The following ELMO3 variants were observed in gnomAD, a reference collection of about 807,000 sequenced individuals.
ELMO3 encodes engulfment and cell motility protein 3.
ELMO3 carries 81 observed loss-of-function variants against 89.0 expected under a neutral mutation model. The ratio of observed to expected loss-of-function variants is 0.91; its 90% CI spans 0.76 to 1.09. The LOEUF (loss-of-function observed/expected upper bound fraction) is 1.09. Among genes scored for constraint, ELMO3 ranks in the 50% least tolerant of loss-of-function variants. The probability of loss-of-function intolerance (pLI) is 0.00; values close to 1 mark genes in which losing one functional copy is unlikely to be tolerated. For synonymous variants in ELMO3, 406 were observed against 400.6 expected, an observed-to-expected ratio of 1.01 and a Z score of -0.16; for missense variants, 959 against 972.8, an observed-to-expected ratio of 0.99 and a Z score of 0.19.
chr16:67,200,575 G>C (rs753564029), intron 6 of ELMO3, 25 bp downstream of exon 6: 8 of 1,613,380 alleles, frequency 5.0e-6, no homozygotes, highest in Non-Finnish European at 6.8e-6. Context: ...CTAGGGCAGC[G>C]GGTGGGGGCA....
intron 4 of ELMO3, 50 bp downstream of exon 4, chr16:67,200,051 G>A (rs1163909709): frequency 2.5e-6 from 4 of 1,602,716 alleles, no homozygotes; most frequent in South Asian, 1.1e-5. Flanking sequence ...TTTGCTCCAG[G>A]TCCAGAGGCC....
In ELMO3 at chr16:67,200,893, G is replaced by A. The variant is rs1364202992; in HGVS notation, c.669G>A (p.Met223Ile). The A allele has an allele frequency of 1.2e-6, 2 of 1,613,606 alleles. No individual in the cohort carries two copies. The highest frequency in any genetic ancestry group is 1.3e-5 in the African/African-American group (1 of 74,928). Reference protein sequence around the residue: ...LDRLLVHLQVMNQQLQTKAMA... With the variant: ...LDRLLVHLQVINQQLQTKAMA... Reference sequence around the variant, plus strand: ...CTGAGCCCTCTTCTTGCCATAGGATGAACCAGCAGCTGCAAACCAAGGCCA... The same window carrying A: ...CTGAGCCCTCTTCTTGCCATAGGATAAACCAGCAGCTGCAAACCAAGGCCA... Residue 223 changes from methionine to isoleucine, a missense_variant, in exon 8 of 20, where the codon ATG becomes ATA. Met to Ile is a conservative substitution (Grantham distance 10). Coordinates refer to ENST00000393997, the MANE Select transcript of ELMO3 (RefSeq NM_024712.5).
rs1476876754 is a variant in ELMO3 at position 67,203,480 on chromosome 16, C to T, written c.1864-17C>T. On this transcript the variant is annotated splice_polypyrimidine_tract_variant and intron_variant, in intron 18 of 19. Coordinates refer to ENST00000393997, the MANE Select transcript of ELMO3 (RefSeq NM_024712.5). This position sits in a 1 kb window ranked among gnomAD's most constrained non-coding sequence, Gnocchi z 4.6. ...CCCTGTCCCCTGCTCAGTGTCCCCG[C>T]TCCCTTGCTTCCCCAGGACCTCTAT... is the stretch of plus-strand genomic sequence containing the variant. 1 of 1,613,760 alleles carries T rather than the reference C, an allele frequency of 6.2e-7. No homozygotes were observed. Among genetic ancestry groups the T allele is most frequent in the South Asian group, 1.1e-5 (1 of 91,076 alleles).
In ELMO3 at chr16:67,203,834, C is replaced by T. The variant is rs1164217675; in HGVS notation, c.2120C>T (p.Thr707Ile). 2 of 1,602,998 alleles carry T rather than the reference C, an allele frequency of 1.2e-6. No individual in the cohort carries two copies. The highest frequency in any genetic ancestry group is 1.7e-6 in the Non-Finnish European group (2 of 1,174,382). ...ERPPPVPPPP[T>I]NFNFCYDCSI... ...CCACCCCCTGTGCCCCCACCCCCCA[C>T]CAACTTCAACTTCTGCTATGACTGC... is the stretch of plus-strand genomic sequence containing the variant. The change falls in exon 20 of 20, where the codon ACC becomes ATC. Residue 707 changes from threonine (T) to isoleucine (I), a missense_variant. Physicochemically the swap from Thr to Ile is moderately conservative, Grantham distance 89. Coordinates refer to ENST00000393997, the MANE Select transcript of ELMO3 (RefSeq NM_024712.5). This position sits in a 1 kb window ranked among gnomAD's most constrained non-coding sequence, Gnocchi z 4.6.
At position 67,203,316 on chromosome 16, in the gene ELMO3, T is replaced by C; in HGVS notation, c.1781-11T>C. The C allele has an allele frequency of 6.3e-7, 1 of 1,594,780 alleles. No homozygotes were observed. The highest frequency in any genetic ancestry group is 8.5e-7 in the Non-Finnish European group (1 of 1,173,610). On this transcript the variant is annotated splice_polypyrimidine_tract_variant and intron_variant, in intron 17 of 19. Transcript: ENST00000393997. The surrounding 1 kb of genome is among the most constrained non-coding windows in gnomAD (Gnocchi z 4.6). ...AGGGCTGCAGTGCTCAGCCCAGCCT[T>C]CTTCCTGCAGTCCCTGTGGCCGACA... is the stretch of plus-strand genomic sequence containing the variant.
At position 67,202,540 on chromosome 16, in the gene ELMO3, G is replaced by A; in HGVS notation, c.1398+7G>A. On this transcript the variant is annotated splice_region_variant and intron_variant, in intron 14 of 19. Coordinates refer to ENST00000393997, the MANE Select transcript of ELMO3 (RefSeq NM_024712.5). Reference sequence around the variant, plus strand: ...ACAGGAGGACTTCGACAAGGTGGGTGGGGTGGGAGCTGGGAGGCCTGGGCC... The same window carrying A: ...ACAGGAGGACTTCGACAAGGTGGGTAGGGTGGGAGCTGGGAGGCCTGGGCC... The A allele has an allele frequency of 6.2e-7, 1 of 1,612,582 alleles. No individual in the cohort carries two copies. The highest frequency in any genetic ancestry group is 8.5e-7 in the Non-Finnish European group (1 of 1,179,930).
rs1262479141 is a variant in ELMO3, at chr16:67,201,513, C to A, written c.796-7C>A. On this transcript the variant is annotated splice_region_variant and splice_polypyrimidine_tract_variant and intron_variant, in intron 9 of 19. Coordinates refer to ENST00000393997, the MANE Select transcript of ELMO3 (RefSeq NM_024712.5). ...CTCGCTTACACCAGGGACTGGCTGT[C>A]CTGCAGAACATCATCCACAGTGCAG... 1 of 1,614,040 alleles carries A rather than the reference C, an allele frequency of 6.2e-7. No individual in the cohort carries two copies. The highest frequency in any genetic ancestry group is 1.7e-5 in the Admixed American group (1 of 60,012).
chr16:67,202,809 A>G lies in ELMO3; in HGVS notation c.1562+19A>G. ...CTATACTGTGAGTCTGGGGGGATGG[A>G]TCCTCAGTCCTAGCCCTACCTTCCT... On this transcript the variant is annotated intron_variant, in intron 15 of 19. Transcript: ENST00000393997. 1 of 1,612,528 alleles carries G rather than the reference A, an allele frequency of 6.2e-7. No homozygotes were observed. Among genetic ancestry groups the G allele is most frequent in the South Asian group, 1.1e-5 (1 of 91,040 alleles).
rs1401918936 is a variant in ELMO3 at position 67,199,219 on chromosome 16, C to T, written c.-108C>T. On this transcript the variant is annotated 5_prime_UTR_variant, in exon 1 of 20. Coordinates refer to ENST00000393997, the MANE Select transcript of ELMO3 (RefSeq NM_024712.5). The stretch of plus-strand genomic sequence containing the variant: ...CGAGTGCGGGACACCGAGGTCAGGT[C>T]TCGGAAAGGGAGGACCTCCTCGTCC... 6.2e-7 allele frequency: 1 copy of T among 1,611,432 alleles called. No individual in the cohort carries two copies. The highest frequency in any genetic ancestry group is 1.7e-5 in the Admixed American group (1 of 59,866).
intron 1 of ELMO3, 72 bp downstream of exon 1, chr16:67,199,476 G>GGGCGCCCCCCCCCCCCCCCCCC: frequency 6.7e-7 from 1 of 1,503,606 alleles, no homozygotes; most frequent in Non-Finnish European, 9.0e-7. Context: ...CCTCGGGGCA[G>GGGCGCCCCCCCCCCCCCCCCCC]CCCGCCCCAC....
At position 67,203,105 on chromosome 16, in the gene ELMO3, C is replaced by G. The variant is rs1181012530; in HGVS notation, c.1676-14C>G. ...CCTCTCAGCACTCTGGCCCTCTTCC[C>G]TTTCTCCACGCAGATAAGCTGTGGT... On this transcript the variant is annotated splice_polypyrimidine_tract_variant and intron_variant, in intron 16 of 19. Coordinates refer to ENST00000393997, the MANE Select transcript of ELMO3 (RefSeq NM_024712.5). This position sits in a 1 kb window ranked among gnomAD's most constrained non-coding sequence, Gnocchi z 4.6. 6.2e-7 allele frequency: 1 copy of G among 1,601,768 alleles called. No homozygotes were observed. Among genetic ancestry groups the G allele is most frequent in the Non-Finnish European group, 8.5e-7 (1 of 1,174,914 alleles).
At position 67,200,809 on chromosome 16, in the gene ELMO3, G is replaced by A. The variant is rs1309232927; in HGVS notation, c.665+1G>A. 1.9e-6 allele frequency: 3 copies of A among 1,612,996 alleles called. No individual in the cohort carries two copies. Among genetic ancestry groups the A allele is most frequent in the East Asian group, 2.2e-5 (1 of 44,870 alleles). On this transcript the variant is annotated splice_donor_variant, in intron 7 of 19. Transcript: ENST00000393997. LOFTEE classifies it high-confidence loss of function. The stretch of plus-strand genomic sequence containing the variant: ...ATAGGCTGCTGGTGCACCTACAGGT[G>A]TAAGCCTCTGGGGCTGGGGTCCAGA...
intron 14 of ELMO3, 31 bp from the exon 15 acceptor site, chr16:67,202,596 T>G (rs375898902): frequency 1.1e-4 from 185 of 1,612,858 alleles, no homozygotes; most frequent in Non-Finnish European, 1.5e-4. Context: ...GTACAGAGCT[T>G]AGGCCCTGAG....
Position 67,203,832 on chromosome 16 carries a change from C to G in ELMO3, c.2118C>G (p.Pro706=). The change falls in exon 20 of 20, where the codon CCC becomes CCG. Residue 706 remains proline (P), a synonymous_variant. Coordinates refer to ENST00000393997, the MANE Select transcript of ELMO3 (RefSeq NM_024712.5). This position sits in a 1 kb window ranked among gnomAD's most constrained non-coding sequence, Gnocchi z 4.6. The part of the protein sequence containing the change: ...PERPPPVPPP[P]TNFNFCYDCS... ...GGCCACCCCCTGTGCCCCCACCCCC[C>G]ACCAACTTCAACTTCTGCTATGACT... The G allele has an allele frequency of 6.2e-7, 1 of 1,603,994 alleles. No individual in the cohort carries two copies. Among genetic ancestry groups the G allele is most frequent in the Non-Finnish European group, 8.5e-7 (1 of 1,174,974 alleles).
intron 3 of ELMO3, 67 bp downstream of exon 3, chr16:67,199,823 C>T: frequency 6.2e-7 from 1 of 1,603,946 alleles, no homozygotes; most frequent in South Asian, 1.1e-5. Context: ...GCCCCGATAA[C>T]TCTGGCTCTT....
rs375654241 is a variant in ELMO3, at chr16:67,201,522, C to T, written c.798C>T (p.Asn266=). The T allele has an allele frequency of 2.5e-6, 4 of 1,613,976 alleles. No homozygotes were observed. In the African/African-American group the frequency reaches 4.0e-5, roughly 16 times the overall value. ...QRNLRQFIYK[N]IIHSAAPMGD... ...ACCAGGGACTGGCTGTCCTGCAGAA[C>T]ATCATCCACAGTGCAGCACCAATGG... Residue 266 remains asparagine, a splice_region_variant and synonymous_variant, in exon 10 of 20, where the codon AAC becomes AAT. Coordinates refer to ENST00000393997, the MANE Select transcript of ELMO3 (RefSeq NM_024712.5).
Position 67,201,377 on chromosome 16 carries a change from C to G in ELMO3, c.745-8C>G, listed in dbSNP as rs764663794. 1 of 1,613,902 alleles carries G rather than the reference C, an allele frequency of 6.2e-7. No homozygotes were observed. Among genetic ancestry groups the G allele is most frequent in the Non-Finnish European group, 8.5e-7 (1 of 1,179,986 alleles). On this transcript the variant is annotated splice_region_variant and splice_polypyrimidine_tract_variant and intron_variant, in intron 8 of 19. Transcript: ENST00000393997. ...CAGCCTAAGCCCCCTTTCTTTCTAC[C>G]CCCTCAGCACATGCTTGACTATCTT...
intron 1 of ELMO3, 43 bp downstream of exon 1, chr16:67,199,447 C>T (rs1353694218): frequency 6.3e-7 from 1 of 1,597,432 alleles, no homozygotes; most frequent in East Asian, 2.2e-5. Context: ...ACTGCCCCAC[C>T]TCCCGGTAGC....
chr16:67,199,818 G>T (rs1221462966), intron 3 of ELMO3, 62 bp downstream of exon 3: 1 of 1,601,358 alleles, frequency 6.2e-7, no homozygotes, highest in Non-Finnish European at 8.5e-7. Context: ...ACCTGGCCCC[G>T]ATAACTCTGG....
Sources: gnomAD v4.1 joint callset for allele counts on GRCh38, gnomAD v4.1.1 for gene constraint, Gnocchi (gnomAD v3.1) non-coding constraint, MANE v1.5 for transcripts, NCBI Gene and HGNC (gene_info 2026-07-23, HGNC 2026-07-21) for gene names.